RGS7: variants seen among roughly 807,000 people sequenced by gnomAD.
RGS7 encodes regulator of G-protein signaling 7.
In RGS7, 27 loss-of-function variants were observed where a neutral mutation model predicts 81.1. The observed-to-expected ratio is 0.33, with a 90% CI of 0.25 to 0.46. The LOEUF (loss-of-function observed/expected upper bound fraction) is 0.46, where lower values mean the gene tolerates loss of function less well. Among genes scored for constraint, RGS7 ranks in the 20% least tolerant of loss-of-function variants. The pLI is 1.00. For missense variants in RGS7, 396 were observed against 607.4 expected, an observed-to-expected ratio of 0.65 and a Z score of 3.66; for synonymous variants, 208 against 207.7, an observed-to-expected ratio of 1.00 and a Z score of -0.01.
chr1:241,089,899 C>T lies in RGS7; in HGVS notation c.175+8767G>A, dbSNP rs2063760214. Among the ~76,000 whole-genome samples, 4 of 148,336 alleles carry T rather than the reference C, an allele frequency of 2.7e-5. No homozygotes were observed. The South Asian group carries it at 6.4e-4, about 24-fold the overall frequency. On this transcript the variant is annotated intron_variant, in intron 3 of 18. Coordinates refer to ENST00000440928, the MANE Select transcript of RGS7 (RefSeq NM_001364886.1). The stretch of plus-strand genomic sequence containing the variant: ...GTCCCAGCTACTCGGGAGGCTGAGG[C>T]AGGAGAATGGCGTGAACCTGGGAGG...
intron 3 of RGS7, among the ~76,000 whole-genome samples, chr1:241,082,377 G>GA (rs1400847431): frequency 6.6e-6 from 1 of 152,192 alleles, no homozygotes; most frequent in Non-Finnish European, 1.5e-5. Flanking sequence ...CCTGAGACTA[G>GA]AATATATGGC....
intron 3 of RGS7, among the ~76,000 whole-genome samples, chr1:241,000,814 ATT>A (rs10691671): frequency 3.8e-5 from 5 of 130,384 alleles, no homozygotes; most frequent in South Asian, 2.5e-4. Flanking sequence ...CACCCAGCTA[ATT>A]TTTTTTTTTT....
At chr1:241,217,064 C>T (rs767977932) in intron 2 of RGS7, among the ~76,000 whole-genome samples, 4 of 152,272 alleles carry the variant, frequency 2.6e-5, no homozygotes, top group East Asian at 3.9e-4. Context: ...TTCTAACCTC[C>T]AGTGTGGCTG....
At position 240,882,936 on chromosome 1, in the gene RGS7, C is replaced by T. The variant is rs1666664476; in HGVS notation, c.386-12817G>A. On this transcript the variant is annotated intron_variant, in intron 6 of 18. Coordinates refer to ENST00000440928, the MANE Select transcript of RGS7 (RefSeq NM_001364886.1). ...TCACCGGTGTCTGATGTTCCCCTTC[C>T]TGTGTCCATGTGCTCTCATTGTTCA... Among the ~76,000 whole-genome samples the T allele has an allele frequency of 3.9e-5, 6 of 152,170 alleles. No individual in the cohort carries two copies. In the South Asian group the frequency reaches 1.0e-3, roughly 26 times the overall value.
At chr1:241,052,465 T>G (rs763872239) in intron 3 of RGS7, among the ~76,000 whole-genome samples, 6 of 152,156 alleles carry the variant, frequency 3.9e-5, no homozygotes, top group African/African-American at 7.2e-5. Flanking sequence ...GCACGGCCCA[T>G]GCACAGTGTC....
intron 13 of RGS7, among the ~76,000 whole-genome samples, chr1:240,812,578 G>T (rs1690058754): frequency 6.6e-6 from 1 of 151,722 alleles, no homozygotes; most frequent in Non-Finnish European, 1.5e-5. Flanking sequence ...GGTATTACAG[G>T]CACCTGCCAC....
At chr1:240,911,370 A>G (rs545816042) in intron 6 of RGS7, among the ~76,000 whole-genome samples, 1 of 151,938 alleles carries the variant, frequency 6.6e-6, no homozygotes, top group South Asian at 2.1e-4. Context: ...ATCTCCCTAC[A>G]TCTCTCATTT....
At chr1:241,204,428 C>T (rs2073741135) in intron 2 of RGS7, among the ~76,000 whole-genome samples, 1 of 152,156 alleles carries the variant, frequency 6.6e-6, no homozygotes, top group African/African-American at 2.4e-5. Context: ...TACTGCATAT[C>T]ATACATTTTA....
At chr1:240,860,075 T>A (rs902932281) in intron 9 of RGS7, among the ~76,000 whole-genome samples, 5 of 152,190 alleles carry the variant, frequency 3.3e-5, no homozygotes, top group Admixed American at 1.3e-4. Flanking sequence ...TTTGTGTGAT[T>A]TCTATTCTAA....
chr1:241,259,338 C>T (rs1001587130), intron 2 of RGS7, among the ~76,000 whole-genome samples: 5 of 151,902 alleles, frequency 3.3e-5, no homozygotes, highest in Non-Finnish European at 5.9e-5. Flanking sequence ...AAAGACACCA[C>T]AAAGAACAAA....
At chr1:241,288,597 G>A (rs910066305) in intron 2 of RGS7, among the ~76,000 whole-genome samples, 5 of 152,256 alleles carry the variant, frequency 3.3e-5, no homozygotes, top group Non-Finnish European at 2.9e-5. Flanking sequence ...CACCCCAGAT[G>A]GAAAAAGGTG....
In RGS7 at chr1:240,986,960, G is replaced by C. The variant is rs79163139; in HGVS notation, c.176-3831C>G. 3.9e-5 allele frequency among the ~76,000 whole-genome samples: 6 copies of C among 152,336 alleles called. No individual in the cohort carries two copies. In the East Asian group the frequency reaches 9.6e-4, roughly 24 times the overall value. ...ATTTTTTCACCCATGCCACGGATCT[G>C]AACGGCAAACGAGCTTCCTTACCTG... is the stretch of plus-strand genomic sequence containing the variant. On this transcript the variant is annotated intron_variant, in intron 3 of 18. Transcript: ENST00000440928.
chr1:241,062,708 ATAAATAC>A (rs1179601102), intron 3 of RGS7, among the ~76,000 whole-genome samples: 1 of 152,158 alleles, frequency 6.6e-6, no homozygotes, highest in Non-Finnish European at 1.5e-5. Context: ...TTGCTTCCCT[ATAAATAC>A]TAAAGTGTGC....
chr1:241,034,035 G>C (rs183443432), intron 3 of RGS7, among the ~76,000 whole-genome samples: 1 of 152,194 alleles, frequency 6.6e-6, no homozygotes, highest in African/African-American at 2.4e-5. Flanking sequence ...AAGCATCTTA[G>C]AGACTTGTCC....
intron 2 of RGS7, among the ~76,000 whole-genome samples, chr1:241,218,851 T>C (rs1344478916): frequency 6.6e-6 from 1 of 152,114 alleles, no homozygotes; most frequent in African/African-American, 2.4e-5. Context: ...GGTTTCACTA[T>C]GCTGGCAAGA....
intron 3 of RGS7, among the ~76,000 whole-genome samples, chr1:241,025,178 G>A (rs997685514): frequency 2.0e-5 from 3 of 152,172 alleles, no homozygotes; most frequent in African/African-American, 7.2e-5. Context: ...AAGGAGTTGA[G>A]GATACTAGCT....
intron 3 of RGS7, among the ~76,000 whole-genome samples, chr1:241,052,750 T>C (rs1455794285): frequency 6.6e-6 from 1 of 152,102 alleles, no homozygotes; most frequent in African/African-American, 2.4e-5. Flanking sequence ...GCAAAGCAAT[T>C]TTCTCGGAGG....
chr1:241,086,598 T>C (rs1205376741), intron 3 of RGS7, among the ~76,000 whole-genome samples: 1 of 152,032 alleles, frequency 6.6e-6, no homozygotes, highest in African/African-American at 2.4e-5. Flanking sequence ...CATCTGATGT[T>C]TATTCTCTAC....
intron 3 of RGS7, among the ~76,000 whole-genome samples, chr1:241,043,897 G>A (rs1361895725): frequency 1.3e-5 from 2 of 151,606 alleles, no homozygotes; most frequent in African/African-American, 4.8e-5. Flanking sequence ...TATTGGTATC[G>A]ACCAGGGTCC....
Sources: allele counts gnomAD v4.1 joint callset (sites outside exome capture counted in the v4.1 genomes callset), GRCh38; gene constraint gnomAD v4.1.1; transcripts MANE v1.5; gene names NCBI Gene and HGNC (gene_info 2026-07-23, HGNC 2026-07-21).